Variants in LYRM7 observed in about 807,000 individuals in gnomAD.
The protein encoded by LYRM7 is complex III assembly factor LYRM7.
A neutral mutation model predicts 15.8 loss-of-function variants in LYRM7; 9 were observed. The ratio of observed to expected loss-of-function variants is 0.57; its 90% confidence interval spans 0.34 to 0.99. The LOEUF (loss-of-function observed/expected upper bound fraction) is 0.99. LYRM7 is among the 50% of genes least tolerant of loss of function. The pLI is 0.02. For synonymous variants in LYRM7, 39 were observed against 39.4 expected, an observed-to-expected ratio of 0.99 and a Z score of 0.04; for missense variants, 115 against 119.1, an observed-to-expected ratio of 0.97 and a Z score of 0.16.
chr5:131,171,057 G>C lies in LYRM7; in HGVS notation c.18+19G>C. ...AGTCAAGGTGACAGGGCCCGGGAAG[G>C]GGTGGGTACGATGCCGTCGGGGAGG... On this transcript the variant is annotated intron_variant, in intron 1 of 4. Transcript: ENST00000379380. The C allele has an allele frequency of 6.6e-7, 1 of 1,523,148 alleles. No individual in the cohort carries two copies. The highest frequency in any genetic ancestry group is 8.7e-7 in the Non-Finnish European group (1 of 1,146,484). 94.4% of individuals were successfully genotyped at this position (1,523,148 alleles called of 1,614,324 possible).
At chr5:131,181,300 A>ATATAT (rs1441850768) in intron 2 of LYRM7, among the ~76,000 whole-genome samples, 1 of 11,070 alleles carries the variant, frequency 9.0e-5, no homozygotes, top group African/African-American at 2.0e-4. Context: ...AAAAAAAAAA[A>ATATAT]AAATATATAT....
intron 3 of LYRM7, among the ~76,000 whole-genome samples, chr5:131,182,576 T>G (rs1755731691): frequency 6.6e-6 from 1 of 152,198 alleles, no homozygotes; most frequent in Admixed American, 6.6e-5. Flanking sequence ...AAATTCTATC[T>G]TCACTTAAAG....
intron 2 of LYRM7, 140 bp from the exon 3 acceptor site, chr5:131,182,089 C>T: frequency 1.3e-6 from 1 of 747,892 alleles, no homozygotes; most frequent in Non-Finnish European, 1.9e-6. Context: ...TAATAAATTT[C>T]TTATTCTTAT....
At chr5:131,193,269 G>T (rs147670602) in intron 4 of LYRM7, among the ~76,000 whole-genome samples, 1 of 152,148 alleles carries the variant, frequency 6.6e-6, no homozygotes. Context: ...TATGCTAGAC[G>T]CCAGGGATAG....
chr5:131,197,202 T>C (rs1253024667), intron 4 of LYRM7, among the ~76,000 whole-genome samples: 1 of 152,236 alleles, frequency 6.6e-6, no homozygotes, highest in Non-Finnish European at 1.5e-5. Flanking sequence ...CTGAAGAGAC[T>C]ATTATATATT....
At chr5:131,174,365 C>A (rs1293802051) in intron 1 of LYRM7, among the ~76,000 whole-genome samples, 2 of 152,206 alleles carry the variant, frequency 1.3e-5, no homozygotes, top group Non-Finnish European at 2.9e-5. Context: ...GTCTTGAACC[C>A]CTCGAAGTCA....
intron 2 of LYRM7, among the ~76,000 whole-genome samples, chr5:131,181,757 A>T (rs957801017): frequency 2.0e-5 from 3 of 151,922 alleles, no homozygotes; most frequent in African/African-American, 7.3e-5. Context: ...CACTCACTTT[A>T]TATGTCAGCC....
Position 131,189,219 on chromosome 5 carries a change from G to A in LYRM7, c.244+2110G>A, listed in dbSNP as rs576693937. ...AGCACTTTGGGAGGCCGAGGCGGGC[G>A]GATCACGAGGTCAGGAGATCGAGAC... On this transcript the variant is annotated intron_variant, in intron 4 of 4. Coordinates refer to ENST00000379380, the MANE Select transcript of LYRM7 (RefSeq NM_181705.4). Among the ~76,000 whole-genome samples, 55 of 151,168 alleles carry A rather than the reference G, an allele frequency of 3.6e-4. 1 individual carries two copies. Among genetic ancestry groups the A allele is most frequent in the African/African-American group, 1.2e-3 (51 of 41,170 alleles).
At chr5:131,186,919 C>G in intron 3 of LYRM7, 109 bp from the exon 4 acceptor site, 1 of 651,300 alleles carries the variant, frequency 1.5e-6, no homozygotes, top group Admixed American at 3.0e-5. Context: ...TAAGGAGAAA[C>G]TACTGTATTA....
intron 1 of LYRM7, among the ~76,000 whole-genome samples, chr5:131,179,474 T>TTTTTTTTTTTTTTTTTTTTTTTC (rs1755656398): frequency 2.1e-4 from 5 of 23,490 alleles, no homozygotes; most frequent in East Asian, 2.5e-3. Flanking sequence ...TTTTTTTTTC[T>TTTTTTTTTTTTTTTTTTTTTTTC]TTTTTTTTTT....
intron 2 of LYRM7, among the ~76,000 whole-genome samples, chr5:131,181,302 A>AAAAAT (rs1554089865): frequency 1.1e-4 from 1 of 8,774 alleles, no homozygotes; most frequent in Non-Finnish European, 3.3e-4. Flanking sequence ...AAAAAAAAAA[A>AAAAAT]ATATATATAT....
Position 131,200,947 on chromosome 5 carries a change from T to C in LYRM7, c.*1346T>C, listed in dbSNP as rs1257100750. 4 of 152,158 alleles carry C rather than the reference T, an allele frequency of 2.6e-5. No individual in the cohort carries two copies. The highest frequency in any genetic ancestry group is 4.4e-5 in the Non-Finnish European group (3 of 68,026). 9.4% of individuals were successfully genotyped at this position (152,158 alleles called of 1,614,324 possible). Reference sequence around the variant, plus strand: ...TTTAAATAACTCCAGATTTCTTTCTTATAGTCATTATTAGTAGCAGATGAG... The same window carrying C: ...TTTAAATAACTCCAGATTTCTTTCTCATAGTCATTATTAGTAGCAGATGAG... On this transcript the variant is annotated 3_prime_UTR_variant, in exon 5 of 5. Transcript: ENST00000379380.
intron 4 of LYRM7, among the ~76,000 whole-genome samples, chr5:131,191,208 G>A (rs542250436): frequency 8.4e-4 from 127 of 151,056 alleles, no homozygotes; most frequent in African/African-American, 3.0e-3. Flanking sequence ...TATATGTATA[G>A]GTCCAAAATG....
intron 3 of LYRM7, among the ~76,000 whole-genome samples, 197 bp downstream of exon 3, chr5:131,182,496 C>T (rs1388909266): frequency 3.9e-5 from 6 of 152,054 alleles, no homozygotes; most frequent in Admixed American, 1.3e-4. Context: ...CAGCAAGGTA[C>T]CCCATCAACA....
Position 131,187,120 on chromosome 5 carries a change from T to A in LYRM7, c.244+11T>A. The A allele has an allele frequency of 7.0e-7, 1 of 1,420,890 alleles. No homozygotes were observed. The highest frequency in any genetic ancestry group is 1.3e-5 in the South Asian group (1 of 78,740). The allele number at this position is 1,420,890 out of a possible 1,614,324, so 88.0% of individuals were successfully genotyped here. A position where few individuals can be genotyped will look rare whatever the true frequency, so the allele number is the denominator to read the frequency against. On this transcript the variant is annotated intron_variant, in intron 4 of 4. Coordinates refer to ENST00000379380, the MANE Select transcript of LYRM7 (RefSeq NM_181705.4). Reference sequence around the variant, plus strand: ...ACCACAATACACTGAGTAAGTAAAATTAAAGAAAAATGGTTTCTAACTGCA... The same window carrying A: ...ACCACAATACACTGAGTAAGTAAAAATAAAGAAAAATGGTTTCTAACTGCA...
intron 1 of LYRM7, among the ~76,000 whole-genome samples, chr5:131,175,193 A>G (rs991489848): frequency 7.3e-6 from 1 of 137,576 alleles, no homozygotes; most frequent in African/African-American, 3.2e-5. Flanking sequence ...ACCAGCTTCA[A>G]TCTCTTTTTT....
intron 2 of LYRM7, among the ~76,000 whole-genome samples, chr5:131,181,389 CATATATATTAT>C (rs1561544417): frequency 1.4e-5 from 1 of 71,506 alleles, no homozygotes; most frequent in African/African-American, 1.0e-4. Flanking sequence ...ATAATATATA[CATATATATTAT>C]ATATACATAT....
rs1028325265 is a variant in LYRM7 at position 131,203,267 on chromosome 5, C to G, written c.*3666C>G. 1.2e-4 allele frequency: 18 copies of G among 152,240 alleles called. No individual in the cohort carries two copies. Among genetic ancestry groups the G allele is most frequent in the Admixed American group, 2.0e-4 (3 of 15,278 alleles). 9.4% of individuals were successfully genotyped at this position (152,240 alleles called of 1,614,324 possible). On this transcript the variant is annotated 3_prime_UTR_variant, in exon 5 of 5. Coordinates refer to ENST00000379380, the MANE Select transcript of LYRM7 (RefSeq NM_181705.4). ...GGAAAACAGATCCTATTTATAATTGCAAACAAAACTGTAAAATAGACTTTT... is the reference window on the plus strand; with the variant it reads ...GGAAAACAGATCCTATTTATAATTGGAAACAAAACTGTAAAATAGACTTTT...
At chr5:131,189,351 G>A (rs374875065) in intron 4 of LYRM7, among the ~76,000 whole-genome samples, 1 of 143,562 alleles carries the variant, frequency 7.0e-6, no homozygotes, top group Non-Finnish European at 1.5e-5. Flanking sequence ...GCTGAGGCAG[G>A]AGAATGGCAT....
Sources: gnomAD v4.1 joint callset for allele counts (sites outside exome capture counted in the v4.1 genomes callset) on GRCh38, gnomAD v4.1.1 for gene constraint, MANE v1.5 for transcripts, NCBI Gene and HGNC (gene_info 2026-07-23, HGNC 2026-07-21) for gene names.